The following OPN4 variants were observed in gnomAD, a reference collection of about 807,000 sequenced individuals.
OPN4 encodes the protein opsin 4, also known as melanopsin.
In OPN4, 43 loss-of-function variants were observed where a neutral mutation model predicts 49.5. That is an observed-to-expected ratio of 0.87 (90% CI 0.68 to 1.12). OPN4 has a LOEUF of 1.12. Among genes scored for constraint, OPN4 ranks in the 50% most tolerant of loss-of-function variants. OPN4 has a pLI of 0.00. For missense variants in OPN4, 657 were observed against 643.9 expected, an observed-to-expected ratio of 1.02 and a Z score of -0.22; for synonymous variants, 263 against 258.0, an observed-to-expected ratio of 1.02 and a Z score of -0.19.
intron 8 of OPN4, 122 bp from the exon 9 acceptor site, chr10:86,663,537 G>A (rs1844067983): frequency 2.2e-6 from 2 of 909,130 alleles, no homozygotes; most frequent in South Asian, 2.6e-5. Flanking sequence ...TGCAAATGGT[G>A]TCAGGGGCCT....
chr10:86,662,467 G>T, intron 8 of OPN4, 35 bp downstream of exon 8: 1 of 1,530,814 alleles, frequency 6.5e-7, no homozygotes, highest in Non-Finnish European at 8.8e-7. Context: ...CTTGCGCCTG[G>T]CCATCCCTTC....
rs779176301 is a variant in OPN4 at position 86,656,302 on chromosome 10, T to TG, written c.290+3dup. 7.5e-6 allele frequency: 12 copies of TG among 1,592,812 alleles called. No individual in the cohort carries two copies. In the South Asian group the frequency reaches 1.4e-4, roughly 18 times the overall value. Reference sequence around the variant, plus strand: ...GACGGTCATCTATACCTTCTGCAGGTGCCTGGTTGGTGGTGCTGGGCCCAG... The same window carrying TG: ...GACGGTCATCTATACCTTCTGCAGGTGGCCTGGTTGGTGGTGCTGGGCCCAG... On this transcript the variant is annotated splice_region_variant and intron_variant, in intron 2 of 9. Coordinates refer to ENST00000241891, the MANE Select transcript of OPN4 (RefSeq NM_033282.4).
chr10:86,664,565 TCA>T (rs1391223430), intron 9 of OPN4, among the ~76,000 whole-genome samples: 2 of 152,140 alleles, frequency 1.3e-5, no homozygotes, highest in Admixed American at 6.5e-5. Flanking sequence ...GCCCCTCCTG[TCA>T]CACCCACACA....
In OPN4 at chr10:86,661,397, C is replaced by G. The variant is rs369913069; in HGVS notation, c.1073+9C>G. On this transcript the variant is annotated intron_variant, in intron 7 of 9. Transcript: ENST00000241891. ...ACCCACCCCAAGTACAGGTGTGGCT[C>G]TTTTCCAGAACCCCACACCTTGGCC... is the stretch of plus-strand genomic sequence containing the variant. The G allele has an allele frequency of 1.2e-6, 2 of 1,605,642 alleles. No homozygotes were observed. Among genetic ancestry groups the G allele is most frequent in the African/African-American group, 2.7e-5 (2 of 74,878 alleles).
chr10:86,663,142 A>C (rs34347257), intron 8 of OPN4, among the ~76,000 whole-genome samples: 6,275 of 152,214 alleles, frequency 0.041, 152 homozygotes, highest in Middle Eastern at 0.071. Context: ...TCCGTGCGCC[A>C]CCGGCTCCTG....
At chr10:86,655,472 A>G (rs900791493) in intron 1 of OPN4, among the ~76,000 whole-genome samples, 1 of 152,184 alleles carries the variant, frequency 6.6e-6, no homozygotes, top group Non-Finnish European at 1.5e-5. Flanking sequence ...CTGCGGCAGG[A>G]CAGAGACCAA....
At chr10:86,659,196 G>A in intron 4 of OPN4, 101 bp from the exon 5 acceptor site, 3 of 906,780 alleles carry the variant, frequency 3.3e-6, no homozygotes, top group Non-Finnish European at 5.1e-6. Context: ...TCAGGGCCAG[G>A]GCTGTGTATG....
chr10:86,661,635 G>A (rs1179533441), intron 7 of OPN4, among the ~76,000 whole-genome samples: 1 of 152,094 alleles, frequency 6.6e-6, no homozygotes, highest in Non-Finnish European at 1.5e-5. Flanking sequence ...CTAACTATGG[G>A]ACCTTCAGAC....
chr10:86,665,754 C>A lies in OPN4; in HGVS notation c.*3C>A. ...CCAGCCAGGACCCCAGGATGTAGGA[C>A]GCCCACTGGCTCTCCCTTTCTTCTG... is the stretch of plus-strand genomic sequence containing the variant. On this transcript the variant is annotated 3_prime_UTR_variant, in exon 10 of 10. Coordinates refer to ENST00000241891, the MANE Select transcript of OPN4 (RefSeq NM_033282.4). 6.2e-7 allele frequency: 1 copy of A among 1,611,748 alleles called. No homozygotes were observed. The highest frequency in any genetic ancestry group is 8.5e-7 in the Non-Finnish European group (1 of 1,177,970).
At position 86,658,184 on chromosome 10, in the gene OPN4, T is replaced by C. The variant is rs977850019; in HGVS notation, c.424+19T>C. 12 of 1,610,406 alleles carry C rather than the reference T, an allele frequency of 7.5e-6. No individual in the cohort carries two copies. In the African/African-American group the frequency reaches 1.3e-4, roughly 18 times the overall value. ...GAGACAGGTAGATGCTGGGGCTCCCTTTTGCTGGAGGGAGGAGGAGGGTTT... is the reference window on the plus strand; with the variant it reads ...GAGACAGGTAGATGCTGGGGCTCCCCTTTGCTGGAGGGAGGAGGAGGGTTT... On this transcript the variant is annotated intron_variant, in intron 3 of 9. Coordinates refer to ENST00000241891, the MANE Select transcript of OPN4 (RefSeq NM_033282.4).
rs376354967 is a variant in OPN4 at position 86,662,354 on chromosome 10, G to C, written c.1176G>C (p.Thr392=). 6.9e-5 allele frequency: 110 copies of C among 1,593,082 alleles called. No homozygotes were observed. Among genetic ancestry groups the C allele is most frequent in the Non-Finnish European group, 9.2e-5 (108 of 1,171,270 alleles). ...GCTACCGCTCCACCCACCGCTCCACGCTGACCAGCCACACCTCCAACCTCA... is the reference window on the plus strand; with the variant it reads ...GCTACCGCTCCACCCACCGCTCCACCCTGACCAGCCACACCTCCAACCTCA... ...YPSYRSTHRS[T]LTSHTSNLSW... The change falls in exon 8 of 10, where the codon ACG becomes ACC. Residue 392 remains threonine (T), a synonymous_variant. Transcript: ENST00000241891.
At position 86,654,934 on chromosome 10, in the gene OPN4, C is replaced by T; in HGVS notation, c.144+7C>T. ...TCCATCCATCAGTCCCACAGTAAGC[C>T]TGGGCGAGCATGTGCATGCACAGAG... On this transcript the variant is annotated splice_region_variant and intron_variant, in intron 1 of 9. Coordinates refer to ENST00000241891, the MANE Select transcript of OPN4 (RefSeq NM_033282.4). 6.2e-7 allele frequency: 1 copy of T among 1,613,496 alleles called. No individual in the cohort carries two copies. The highest frequency in any genetic ancestry group is 8.5e-7 in the Non-Finnish European group (1 of 1,179,760).
chr10:86,661,177 G>T, intron 6 of OPN4, 104 bp from the exon 7 acceptor site: 1 of 892,806 alleles, frequency 1.1e-6, no homozygotes, highest in Non-Finnish European at 1.8e-6. Context: ...TAGCTGTGCT[G>T]GTTTGGGCTG....
Position 86,661,320 on chromosome 10 carries a change from A to G in OPN4, c.1005A>G (p.Pro335=), listed in dbSNP as rs1844001043. The G allele has an allele frequency of 1.2e-6, 2 of 1,614,086 alleles. No individual in the cohort carries two copies. Among genetic ancestry groups the G allele is most frequent in the East Asian group, 2.2e-5 (1 of 44,876 alleles). The change falls in exon 7 of 10, where the codon CCA becomes CCG. Residue 335 remains proline (P), a synonymous_variant. Transcript: ENST00000241891. ...HVLTPYMSSV[P]AVIAKASAIH... is the part of the protein sequence containing the mutation. ...TGACACCCTACATGAGCTCGGTGCC[A>G]GCCGTCATCGCCAAGGCCTCTGCAA...
rs750531499 is a variant in OPN4 at position 86,661,348 on chromosome 10, C to T, written c.1033C>T (p.His345Tyr). ...CGTCATCGCCAAGGCCTCTGCAATC[C>T]ACAACCCCATCATTTACGCCATCAC... is the stretch of plus-strand genomic sequence containing the variant. ...PAVIAKASAI[H>Y]NPIIYAITHP... is the part of the protein sequence containing the mutation. The change falls in exon 7 of 10, where the codon CAC (histidine) becomes TAC (tyrosine). Residue 345 changes from histidine to tyrosine, a missense_variant. His to Tyr is a moderately conservative substitution (Grantham distance 83, BLOSUM62 2). Coordinates refer to ENST00000241891, the MANE Select transcript of OPN4 (RefSeq NM_033282.4). The T allele has an allele frequency of 8.1e-6, 13 of 1,613,974 alleles. No individual in the cohort carries two copies. In the Admixed American group the frequency reaches 1.3e-4, roughly 17 times the overall value.
Position 86,658,472 on chromosome 10 carries a change from C to T in OPN4, c.425-12C>T, listed in dbSNP as rs1210246917. The T allele has an allele frequency of 5.0e-6, 8 of 1,613,818 alleles. No homozygotes were observed. The highest frequency in any genetic ancestry group is 1.6e-4 in the Middle Eastern group (1 of 6,062). On this transcript the variant is annotated splice_polypyrimidine_tract_variant and intron_variant, in intron 3 of 9. Coordinates refer to ENST00000241891, the MANE Select transcript of OPN4 (RefSeq NM_033282.4). ...TCCTCCCCAGGACTCAGAGCAGGGG[C>T]TGTGCCCACAGGCTGCGAGTTCTAT...
chr10:86,658,255 T>C lies in OPN4; in HGVS notation c.424+90T>C, dbSNP rs34029588. 4.3e-3 allele frequency: 6,645 copies of C among 1,530,656 alleles called. 259 individuals are homozygous for C. In the African/African-American group the frequency reaches 0.083, roughly 19 times the overall value. The allele number at this position is 1,530,656 out of a possible 1,614,324, so 94.8% of individuals were successfully genotyped here. The stretch of plus-strand genomic sequence containing the variant: ...TGGAGGGTGGCCCAAAGGAGGTGAT[T>C]TGCTGCTTCTGGGCAGAGAGTGGGT... On this transcript the variant is annotated intron_variant, in intron 3 of 9. Transcript: ENST00000241891.
rs1235286255 is a variant in OPN4, at chr10:86,662,281, T to G, written c.1103T>G (p.Leu368Arg). Residue 368 changes from leucine to arginine, a missense_variant, in exon 8 of 10, where the codon CTG becomes CGG. Transcript: ENST00000241891. The stretch of plus-strand genomic sequence containing the variant: ...GCCATTGCCCAGCACCTGCCCTGCC[T>G]GGGGGTGCTGCTGGGTGTATCACGC... ...RVAIAQHLPC[L>R]GVLLGVSRRH... The G allele has an allele frequency of 6.2e-7, 1 of 1,609,688 alleles. No homozygotes were observed. Among genetic ancestry groups the G allele is most frequent in the African/African-American group, 1.3e-5 (1 of 74,894 alleles).
At position 86,663,896 on chromosome 10, in the gene OPN4, G is replaced by T. The variant is rs182610457; in HGVS notation, c.1398+94G>T. 3.8e-4 allele frequency: 534 copies of T among 1,418,436 alleles called. 3 individuals are homozygous for T. In the East Asian group the frequency reaches 9.6e-3, roughly 25 times the overall value. The allele number at this position is 1,418,436 out of a possible 1,614,324, so 87.9% of individuals were successfully genotyped here. A position where few individuals can be genotyped will look rare whatever the true frequency, so the allele number is the denominator to read the frequency against. On this transcript the variant is annotated intron_variant, in intron 9 of 9. Transcript: ENST00000241891. Reference sequence around the variant, plus strand: ...CCAGGAAAGAGAGACTTGTTCTCATGGGCAGGGGCGATATCCTCCAGGAAT... The same window carrying T: ...CCAGGAAAGAGAGACTTGTTCTCATTGGCAGGGGCGATATCCTCCAGGAAT...
Sources: gnomAD v4.1 joint callset for allele counts (sites outside exome capture counted in the v4.1 genomes callset) on GRCh38, gnomAD v4.1.1 for gene constraint, MANE v1.5 for transcripts, NCBI Gene and HGNC (gene_info 2026-07-23, HGNC 2026-07-21) for gene names.